The following AZIN1 variants were observed in gnomAD, a reference collection of about 807,000 sequenced individuals.
The protein encoded by AZIN1 is ornithine decarboxylase antizyme inhibitor.
In AZIN1, 12 loss-of-function variants were observed where a neutral mutation model predicts 47.4. The ratio of observed to expected loss-of-function variants is 0.25; its 90% CI spans 0.16 to 0.41. The LOEUF is 0.41. Among genes scored for constraint, AZIN1 ranks in the 10% least tolerant of loss-of-function variants. The pLI, the probability that AZIN1 is intolerant of heterozygous loss-of-function variation, is 1.00. For missense variants in AZIN1, 410 were observed against 532.4 expected (o/e 0.77, Z 2.26); for synonymous variants, 155 against 176.3 (o/e 0.88, Z 0.96).
intron 1 of AZIN1, among the ~76,000 whole-genome samples, chr8:102,860,406 G>C (rs1273131943): frequency 6.6e-6 from 1 of 152,130 alleles, no homozygotes; most frequent in Non-Finnish European, 1.5e-5. Context: ...CGGATTACAG[G>C]CATGTGCCAC....
chr8:102,832,684 A>G (rs1305692482), intron 9 of AZIN1, among the ~76,000 whole-genome samples: 1 of 150,166 alleles, frequency 6.7e-6, no homozygotes, highest in Non-Finnish European at 1.5e-5. Context: ...CTTGTCACCC[A>G]GGCTGGAGTC....
intron 2 of AZIN1, among the ~76,000 whole-genome samples, chr8:102,854,861 T>C (rs2131274469): frequency 6.6e-6 from 1 of 152,176 alleles, no homozygotes; most frequent in Non-Finnish European, 1.5e-5. Flanking sequence ...CCCTTTTCCA[T>C]ACTGCACAAC....
At chr8:102,856,438 A>C (rs1479050085) in intron 2 of AZIN1, among the ~76,000 whole-genome samples, 2 of 152,156 alleles carry the variant, frequency 1.3e-5, no homozygotes, top group East Asian at 3.8e-4. Flanking sequence ...TCTGAATCCT[A>C]CATTATTAAT....
chr8:102,839,205 C>T (rs530018354), intron 4 of AZIN1, among the ~76,000 whole-genome samples: 23 of 152,184 alleles, frequency 1.5e-4, no homozygotes, highest in South Asian at 4.2e-4. Context: ...AAAAGTGAGA[C>T]GAGGTCTCAC....
At chr8:102,855,260 A>C (rs373567078) in intron 2 of AZIN1, 73 of 152,142 alleles carry the variant, frequency 4.8e-4, no homozygotes, top group African/African-American at 1.3e-3. Context: ...GGGTTTCACC[A>C]TGTTGGCCAA....
At chr8:102,857,529 C>T (rs1280215554) in intron 2 of AZIN1, among the ~76,000 whole-genome samples, 1 of 152,122 alleles carries the variant, frequency 6.6e-6, no homozygotes, top group East Asian at 1.9e-4. Flanking sequence ...CCTTGAAAAT[C>T]TGTTAAATAT....
intron 11 of AZIN1, among the ~76,000 whole-genome samples, 163 bp from the exon 12 acceptor site, chr8:102,828,841 CAA>C (rs1811257935): frequency 6.6e-6 from 1 of 152,182 alleles, no homozygotes; most frequent in African/African-American, 2.4e-5. Context: ...ATGTTTTGGT[CAA>C]AGACTACACA....
chr8:102,861,466 C>T (rs1012384704), intron 1 of AZIN1, among the ~76,000 whole-genome samples: 1 of 151,810 alleles, frequency 6.6e-6, no homozygotes, highest in Non-Finnish European at 1.5e-5. Context: ...AGGCAATCCA[C>T]CCGCCTCAGC....
intron 2 of AZIN1, 79 bp from the exon 3 acceptor site, chr8:102,843,826 G>C: frequency 1.0e-6 from 1 of 979,978 alleles, no homozygotes; most frequent in Non-Finnish European, 1.4e-6. Flanking sequence ...TGTGCTAAGT[G>C]CCTAATTTAG....
At chr8:102,843,512 G>C (rs1039623506) in intron 3 of AZIN1, 39 bp downstream of exon 3, 16 of 1,546,960 alleles carry the variant, frequency 1.0e-5, no homozygotes, top group African/African-American at 1.4e-5. Context: ...TTCAGAGCTT[G>C]GAAAATGACA....
Position 102,836,249 on chromosome 8 carries a change from T to A in AZIN1, c.584+7A>T. On this transcript the variant is annotated splice_region_variant and intron_variant, in intron 6 of 11. Transcript: ENST00000337198. ...CACAGCTTTAAAAGTTTAAAACAAA[T>A]ACTCACTTAACCCCAATTATTTGGA... The A allele has an allele frequency of 1.2e-6, 2 of 1,612,384 alleles. No individual in the cohort carries two copies. Among genetic ancestry groups the A allele is most frequent in the Non-Finnish European group, 1.7e-6 (2 of 1,179,172 alleles).
intron 3 of AZIN1, 30 bp downstream of exon 3, chr8:102,843,521 C>T (rs899696461): frequency 6.4e-7 from 1 of 1,573,384 alleles, no homozygotes; most frequent in Non-Finnish European, 8.7e-7. Context: ...TGGAAAATGA[C>T]AAACACTGTA....
rs1194487231 is a variant in AZIN1, at chr8:102,864,133, A to T, written c.-560T>A. ...GGCGACGGCAGAAGAAAAAAGGAAAAACTGCGGCCGCGATCAGAGCCTGAA... is the reference window on the plus strand; with the variant it reads ...GGCGACGGCAGAAGAAAAAAGGAAATACTGCGGCCGCGATCAGAGCCTGAA... On this transcript the variant is annotated 5_prime_UTR_variant, in exon 1 of 12. Transcript: ENST00000337198. 5.9e-6 allele frequency: 1 copy of T among 170,764 alleles called. No homozygotes were observed. Among genetic ancestry groups the T allele is most frequent in the Non-Finnish European group, 1.2e-5 (1 of 80,432 alleles). The allele number at this position is 170,764 out of a possible 1,614,324, so 10.6% of individuals were successfully genotyped here.
intron 5 of AZIN1, 60 bp from the exon 6 acceptor site, chr8:102,836,450 A>G: frequency 1.3e-6 from 2 of 1,546,806 alleles, no homozygotes; most frequent in Non-Finnish European, 1.8e-6. Flanking sequence ...GCACATGTGA[A>G]GCCTGAAGAT....
intron 1 of AZIN1, among the ~76,000 whole-genome samples, chr8:102,859,608 G>C (rs573367616): frequency 1.3e-5 from 2 of 152,322 alleles, no homozygotes; most frequent in African/African-American, 4.8e-5. Context: ...CTCTGAGCCA[G>C]TGGATCACTT....
intron 5 of AZIN1, chr8:102,836,688 AG>A (rs1337760992): frequency 9.5e-6 from 3 of 314,632 alleles, no homozygotes; most frequent in Non-Finnish European, 1.7e-5. Flanking sequence ...TTTCAAATGA[AG>A]TCCATCAGTC....
At chr8:102,854,276 C>T (rs1813121432) in intron 2 of AZIN1, among the ~76,000 whole-genome samples, 1 of 151,938 alleles carries the variant, frequency 6.6e-6, no homozygotes, top group African/African-American at 2.4e-5. Flanking sequence ...TACAGTGAAA[C>T]ATGAGGAAGG....
At chr8:102,846,376 C>T (rs1563542413) in intron 2 of AZIN1, among the ~76,000 whole-genome samples, 1 of 152,272 alleles carries the variant, frequency 6.6e-6, no homozygotes, top group East Asian at 1.9e-4. Context: ...CATATAATTT[C>T]ATAGGTTCAA....
chr8:102,850,355 A>G (rs1812842888), intron 2 of AZIN1, among the ~76,000 whole-genome samples: 1 of 152,202 alleles, frequency 6.6e-6, no homozygotes, highest in Non-Finnish European at 1.5e-5. Context: ...GCATTTGATG[A>G]CTTAGCACCC....
Sources: allele counts gnomAD v4.1 joint callset (sites outside exome capture counted in the v4.1 genomes callset), GRCh38; gene constraint gnomAD v4.1.1; transcripts MANE v1.5; gene names NCBI Gene and HGNC (gene_info 2026-07-23, HGNC 2026-07-21).